Variants in SPC25 observed in about 807,000 individuals in gnomAD.
The protein encoded by SPC25 is kinetochore protein Spc25.
Under a neutral mutation model 29.6 loss-of-function variants are expected in SPC25, and 22 were observed. That is an observed-to-expected ratio of 0.74 (90% confidence interval 0.53 to 1.06). The LOEUF (loss-of-function observed/expected upper bound fraction) is 1.06, where lower values mean the gene tolerates loss of function less well. Ranked by LOEUF, SPC25 falls within the 50% of genes least tolerant of loss-of-function variation. The pLI is 0.00. For missense variants in SPC25, 230 were observed against 255.8 expected (o/e 0.90, Z 0.69); for synonymous variants, 91 against 90.4 (o/e 1.01, Z -0.04).
At chr2:168,887,675 G>A (rs1472030643) in intron 3 of SPC25, among the ~76,000 whole-genome samples, 1 of 152,004 alleles carries the variant, frequency 6.6e-6, no homozygotes, top group African/African-American at 2.4e-5. Flanking sequence ...GTGGACACAT[G>A]TTTGTGTCCT....
intron 4 of SPC25, among the ~76,000 whole-genome samples, chr2:168,862,773 T>TTAG (rs1689547588): frequency 7.0e-6 from 1 of 143,110 alleles, no homozygotes; most frequent in Non-Finnish European, 1.6e-5. Context: ...ATGTGTCCAG[T>TTAG]TAGAAACCAT....
intron 4 of SPC25, chr2:168,862,070 T>A (rs375129505): frequency 1.3e-6 from 2 of 1,599,228 alleles, no homozygotes; most frequent in African/African-American, 2.7e-5. Flanking sequence ...TTCTCAAATA[T>A]TTTAATTGCC....
intron 6 of SPC25, among the ~76,000 whole-genome samples, chr2:168,873,234 A>G (rs1401054754): frequency 6.6e-6 from 1 of 152,192 alleles, no homozygotes; most frequent in East Asian, 1.9e-4. Flanking sequence ...ATAAATTCTA[A>G]TATTCACATT....
chr2:168,864,772 C>G (rs1464431725), intron 4 of SPC25: 2 of 1,583,076 alleles, frequency 1.3e-6, no homozygotes, highest in Non-Finnish European at 1.7e-6. Flanking sequence ...AAACTCTTAT[C>G]AATCGGGCTG....
At chr2:168,871,706 C>G (rs1251590600) in intron 6 of SPC25, 151 bp from the exon 7 acceptor site, 2 of 695,392 alleles carry the variant, frequency 2.9e-6, no homozygotes, top group Non-Finnish European at 4.5e-6. Context: ...CTTGATTTTC[C>G]TATGCCAAAT....
intron 3 of SPC25, among the ~76,000 whole-genome samples, chr2:168,886,582 C>T (rs569928076): frequency 2.6e-5 from 4 of 151,124 alleles, no homozygotes; most frequent in Non-Finnish European, 5.9e-5. Context: ...TGCAGTGGCG[C>T]GATCTGGGCT....
At chr2:168,862,919 T>C (rs376814691) in intron 4 of SPC25, among the ~76,000 whole-genome samples, 15 of 152,336 alleles carry the variant, frequency 9.8e-5, no homozygotes, top group Admixed American at 5.9e-4. Context: ...ATACATTTTG[T>C]AGCCAAACGA....
Position 168,871,458 on chromosome 2 carries a change from T to C in SPC25, c.648A>G (p.Lys216=). The C allele has an allele frequency of 6.2e-7, 1 of 1,609,894 alleles. No individual in the cohort carries two copies. Residue 216 remains lysine (K), a synonymous_variant, in exon 7 of 7, where the codon AAA becomes AAG. Coordinates refer to ENST00000282074, the MANE Select transcript of SPC25 (RefSeq NM_020675.4). ...AATTATAAACCGTGGCAGTAAAAGC[T>C]TTCCGAACATTGGCAAGAAAAGCTG... ...NFSAFLANVR[K]AFTATVYN
At chr2:168,864,872 T>C (rs1283228703) in intron 4 of SPC25, 2 of 1,613,658 alleles carry the variant, frequency 1.2e-6, no homozygotes, top group East Asian at 2.2e-5. Context: ...AGAAGGAGGA[T>C]GGTGGTTTGG....
At chr2:168,886,205 C>G (rs980608270) in intron 3 of SPC25, among the ~76,000 whole-genome samples, 1 of 151,928 alleles carries the variant, frequency 6.6e-6, no homozygotes, top group African/African-American at 2.4e-5. Flanking sequence ...AGGTGCCCAC[C>G]ACCACACCTG....
In SPC25 at chr2:168,873,794, A is replaced by G. The variant is rs147742025; in HGVS notation, c.452-111T>C. The stretch of plus-strand genomic sequence containing the variant: ...GCTAAGTATATACAGTCATGTAACC[A>G]ACATTTCCAAATGCAGAAGTTACAA... On this transcript the variant is annotated intron_variant, in intron 5 of 6. Transcript: ENST00000282074. 328 of 577,052 alleles carry G rather than the reference A, an allele frequency of 5.7e-4. 2 individuals carry two copies. In the East Asian group the frequency reaches 8.6e-3, roughly 15 times the overall value. 35.7% of individuals were successfully genotyped at this position (577,052 alleles called of 1,614,324 possible).
chr2:168,871,491 G>A lies in SPC25; in HGVS notation c.615C>T (p.Asn205=). Residue 205 remains asparagine, a synonymous_variant, in exon 7 of 7, where the codon AAC becomes AAT. Transcript: ENST00000282074. ...AEFQENVRKT[N]NFSAFLANVR... is the part of the protein sequence containing the mutation. ...CATTGGCAAGAAAAGCTGAAAAATT[G>A]TTGGTCTTCCTTACATTCTCTTGAA... 1.9e-6 allele frequency: 3 copies of A among 1,610,158 alleles called. No individual in the cohort carries two copies. The highest frequency in any genetic ancestry group is 1.3e-5 in the African/African-American group (1 of 74,622).
downstream of SPC25, among the ~76,000 whole-genome samples, chr2:168,868,635 A>G (rs1689917204): frequency 6.6e-6 from 1 of 152,234 alleles, no homozygotes; most frequent in African/African-American, 2.4e-5. Flanking sequence ...CGACACATAC[A>G]CTCTCCCAAG....
intron 3 of SPC25, among the ~76,000 whole-genome samples, 130 bp downstream of exon 3, chr2:168,889,072 CATATATATACATATATATACACAT>C (rs1270083640): frequency 0.034 from 1,536 of 45,238 alleles, 36 homozygotes; most frequent in Non-Finnish European, 0.056. Flanking sequence ...TATATATACA[CATATATATACATATATATACACAT>C]ATATATATAC....
chr2:168,865,289 G>A (rs1689798212), intron 4 of SPC25: 1 of 228,610 alleles, frequency 4.4e-6, no homozygotes, highest in East Asian at 1.0e-4. Context: ...CTGCTTGCCT[G>A]AAGTCAGAGT....
intron 3 of SPC25, among the ~76,000 whole-genome samples, chr2:168,878,466 A>C (rs1396983861): frequency 6.6e-6 from 1 of 152,232 alleles, no homozygotes; most frequent in Non-Finnish European, 1.5e-5. Flanking sequence ...AAATCTCATC[A>C]TATATATTTG....
rs1303645029 is a variant in SPC25 at position 168,871,466 on chromosome 2, C to T, written c.640G>A (p.Val214Ile). The change falls in exon 7 of 7, where the codon GTT becomes ATT. Residue 214 changes from valine to isoleucine, a missense_variant. Physicochemically the swap from Val to Ile is conservative, Grantham distance 29. Coordinates refer to ENST00000282074, the MANE Select transcript of SPC25 (RefSeq NM_020675.4). ...ACCGTGGCAGTAAAAGCTTTCCGAA[C>T]ATTGGCAAGAAAAGCTGAAAAATTG... ...TNNFSAFLAN[V>I]RKAFTATVYN 1.2e-6 allele frequency: 2 copies of T among 1,609,774 alleles called. No homozygotes were observed. The highest frequency in any genetic ancestry group is 1.3e-5 in the African/African-American group (1 of 74,718).
At chr2:168,865,816 T>C (rs1346581646) in intron 4 of SPC25, among the ~76,000 whole-genome samples, 3 of 150,852 alleles carry the variant, frequency 2.0e-5, no homozygotes, top group Admixed American at 1.3e-4. Flanking sequence ...AGCATTCTTA[T>C]ATACACCAAT....
intron 3 of SPC25, among the ~76,000 whole-genome samples, chr2:168,887,106 G>A (rs774407217): frequency 1.1e-4 from 16 of 152,124 alleles, no homozygotes; most frequent in Non-Finnish European, 1.8e-4. Flanking sequence ...GGGCATGGAA[G>A]CTTCAGGGCA....
Sources: gnomAD v4.1 joint callset for allele counts (sites outside exome capture counted in the v4.1 genomes callset) on GRCh38, gnomAD v4.1.1 for gene constraint, MANE v1.5 for transcripts, NCBI Gene and HGNC (gene_info 2026-07-23, HGNC 2026-07-21) for gene names.